The following ADRA1A variants were observed in gnomAD, a reference collection of about 807,000 sequenced individuals.
ADRA1A encodes adrenoceptor alpha 1A.
In ADRA1A, 31 loss-of-function variants were observed where a neutral mutation model predicts 29.6. The ratio of observed to expected loss-of-function variants is 1.05; its 90% CI spans 0.79 to 1.41. ADRA1A has a LOEUF of 1.41. Ranked by LOEUF, ADRA1A falls within the 40% of genes most tolerant of loss-of-function variation. ADRA1A has a pLI of 0.00. For missense variants in ADRA1A, 619 were observed against 601.1 expected (o/e 1.03, Z -0.31); for synonymous variants, 311 against 254.3 (o/e 1.22, Z -2.12).
At chr8:26,838,435 C>T (rs940364395) in intron 2 of ADRA1A, among the ~76,000 whole-genome samples, 1 of 152,182 alleles carries the variant, frequency 6.6e-6, no homozygotes, top group African/African-American at 2.4e-5. Flanking sequence ...AATCTCTATG[C>T]TCTCCAATAA....
chr8:26,845,206 T>C lies in ADRA1A; in HGVS notation c.883+18881A>G, dbSNP rs138567942. ...TCAATTATCTGACCAGGGTCTGGCA[T>C]CCAGAATATATTAATAACCCCTGCA... On this transcript the variant is annotated intron_variant, in intron 2 of 2. Transcript: ENST00000380573. Among the ~76,000 whole-genome samples, 320 of 152,274 alleles carry C rather than the reference T, an allele frequency of 2.1e-3. 3 individuals carry two copies. Among genetic ancestry groups the C allele is most frequent in the African/African-American group, 6.1e-3 (254 of 41,534 alleles).
chr8:26,796,710 G>A lies in ADRA1A; in HGVS notation c.884-26044C>T, dbSNP rs1808214569. ...AGGAGGGTCAGTGTAAAAGTGGATAGAGAGATGATTAATTTCGAAAGGGGG... is the reference window on the plus strand; with the variant it reads ...AGGAGGGTCAGTGTAAAAGTGGATAAAGAGATGATTAATTTCGAAAGGGGG... On this transcript the variant is annotated intron_variant, in intron 2 of 2. Coordinates refer to ENST00000380573, the MANE Select transcript of ADRA1A (RefSeq NM_000680.4). The surrounding 1 kb of genome is among the most constrained non-coding windows in gnomAD (Gnocchi z 5.0). 6.6e-6 allele frequency among the ~76,000 whole-genome samples: 1 copy of A among 152,118 alleles called. No homozygotes were observed. The highest frequency in any genetic ancestry group is 1.5e-5 in the Non-Finnish European group (1 of 68,018).
intron 2 of ADRA1A, among the ~76,000 whole-genome samples, chr8:26,845,742 G>T (rs1410995694): frequency 6.6e-6 from 1 of 152,134 alleles, no homozygotes; most frequent in Non-Finnish European, 1.5e-5. Context: ...CAAATAAATA[G>T]TATTCAGTCA....
exon 3 of ADRA1A, chr8:26,748,306 G>C (rs375528473): frequency 1.2e-5 from 2 of 161,944 alleles, no homozygotes; most frequent in African/African-American, 2.4e-5. Flanking sequence ...GTGTGTGTTG[G>C]GGGGGTGGTT....
Position 26,864,746 on chromosome 8 carries a change from A to T in ADRA1A, c.224T>A (p.Leu75His), listed in dbSNP as rs1245323372. The T allele has an allele frequency of 6.2e-7, 1 of 1,614,024 alleles. No homozygotes were observed. The highest frequency in any genetic ancestry group is 8.5e-7 in the Non-Finnish European group (1 of 1,180,036). Reference protein sequence around the residue: ...IVNLAVADLLLTSTVLPFSAI... With the variant: ...IVNLAVADLLHTSTVLPFSAI... ...GGAGAAGGGCAGCACCGTGGAGGTG[A>T]GCAGGAGGTCGGCCACCGCCAGGTT... The change falls in exon 2 of 3, where the codon CTC becomes CAC. Residue 75 changes from leucine (L) to histidine (H), a missense_variant. Transcript: ENST00000380573. The surrounding 1 kb of genome is among the most constrained non-coding windows in gnomAD (Gnocchi z 8.1).
chr8:26,771,747 C>G (rs1056297979), intron 2 of ADRA1A: 2 of 152,856 alleles, frequency 1.3e-5, no homozygotes, highest in African/African-American at 4.8e-5. Context: ...GCATCCAGCA[C>G]TAGCACTACT....
At chr8:26,854,416 A>AGGGGGGGGGG (rs1200564632) in intron 2 of ADRA1A, 1 of 18,696 alleles carries the variant, frequency 5.3e-5, no homozygotes, top group Non-Finnish European at 1.0e-4. Flanking sequence ...CTGAAGTTAA[A>AGGGGGGGGGG]GCGGGGCGGG....
rs138587648 is a variant in ADRA1A, at chr8:26,804,312, T to C, written c.884-33646A>G. Among the ~76,000 whole-genome samples the C allele has an allele frequency of 7.2e-4, 110 of 152,262 alleles. No individual in the cohort carries two copies. The East Asian group carries it at 0.02, about 28-fold the overall frequency. The stretch of plus-strand genomic sequence containing the variant: ...ACACATCCACATGCAGGCTTGTCTA[T>C]GAGTGTTCAAAGAGGCTTTATTTGG... On this transcript the variant is annotated intron_variant, in intron 2 of 2. Coordinates refer to ENST00000380573, the MANE Select transcript of ADRA1A (RefSeq NM_000680.4).
intron 2 of ADRA1A, among the ~76,000 whole-genome samples, chr8:26,772,319 C>T (rs937341375): frequency 2.6e-5 from 4 of 152,196 alleles, no homozygotes; most frequent in Non-Finnish European, 4.4e-5. Flanking sequence ...GCTAAAGGAG[C>T]TTTATGAATT....
chr8:26,842,336 C>T (rs1382230042), intron 2 of ADRA1A, among the ~76,000 whole-genome samples: 1 of 152,164 alleles, frequency 6.6e-6, no homozygotes, highest in Non-Finnish European at 1.5e-5. Flanking sequence ...CACTTAAACA[C>T]CATCATTTCA....
Position 26,841,856 on chromosome 8 carries a change from C to A in ADRA1A, c.883+22231G>T, listed in dbSNP as rs1260863672. Among the ~76,000 whole-genome samples, 1 of 152,132 alleles carries A rather than the reference C, an allele frequency of 6.6e-6. No homozygotes were observed. The highest frequency in any genetic ancestry group is 1.5e-5 in the Non-Finnish European group (1 of 68,020). ...TCTGCTGCATTTGATATTGGCGCCACTTTCTCTTCACTAAAATTCTCTCTT... is the reference window on the plus strand; with the variant it reads ...TCTGCTGCATTTGATATTGGCGCCAATTTCTCTTCACTAAAATTCTCTCTT... On this transcript the variant is annotated intron_variant, in intron 2 of 2. Coordinates refer to ENST00000380573, the MANE Select transcript of ADRA1A (RefSeq NM_000680.4). This position sits in a 1 kb window ranked among gnomAD's most constrained non-coding sequence, Gnocchi z 4.4.
chr8:26,847,075 G>C (rs916529509), intron 2 of ADRA1A, among the ~76,000 whole-genome samples: 2 of 152,070 alleles, frequency 1.3e-5, no homozygotes, highest in African/African-American at 4.8e-5. Flanking sequence ...GTCGTGGGGT[G>C]GGGGGAACAG....
At position 26,854,524 on chromosome 8, in the gene ADRA1A, T is replaced by C. The variant is rs1321972598; in HGVS notation, c.883+9563A>G. Reference sequence around the variant, plus strand: ...CCATACCTGTTAATGTGGCAGCCAGTGTGGTGGGGTAGAGAGTGTGGTGTG... The same window carrying C: ...CCATACCTGTTAATGTGGCAGCCAGCGTGGTGGGGTAGAGAGTGTGGTGTG... On this transcript the variant is annotated intron_variant, in intron 2 of 2. Coordinates refer to ENST00000380573, the MANE Select transcript of ADRA1A (RefSeq NM_000680.4). 5 of 150,314 alleles carry C rather than the reference T, an allele frequency of 3.3e-5. No individual in the cohort carries two copies. In the Admixed American group the frequency reaches 3.3e-4, roughly 10 times the overall value. 9.3% of individuals were successfully genotyped at this position (150,314 alleles called of 1,614,324 possible). A position where few individuals can be genotyped will look rare whatever the true frequency, so the allele number is the denominator to read the frequency against.
intron 2 of ADRA1A, among the ~76,000 whole-genome samples, chr8:26,837,662 A>C (rs1454652141): frequency 6.6e-6 from 1 of 151,888 alleles, no homozygotes; most frequent in African/African-American, 2.4e-5. Context: ...AAAAAAAAAA[A>C]AAAGTGTACA....
chr8:26,761,019 C>A (rs537493929), downstream of ADRA1A, among the ~76,000 whole-genome samples: 1 of 152,196 alleles, frequency 6.6e-6, no homozygotes, highest in African/African-American at 2.4e-5. Context: ...CTCTCCATGC[C>A]TGCTTAGGGG....
rs895605989 is a variant in ADRA1A, at chr8:26,831,913, C to T, written c.883+32174G>A. On this transcript the variant is annotated intron_variant, in intron 2 of 2. Coordinates refer to ENST00000380573, the MANE Select transcript of ADRA1A (RefSeq NM_000680.4). The surrounding 1 kb of genome is among the most constrained non-coding windows in gnomAD (Gnocchi z 5.2). ...TGCTCCAGGCTGGCTCCCACCTCTC[C>T]CTAAGAGACACCTGGGCCTGGCCGT... 2.0e-5 allele frequency among the ~76,000 whole-genome samples: 3 copies of T among 152,212 alleles called. No homozygotes were observed. The highest frequency in any genetic ancestry group is 7.2e-5 in the African/African-American group (3 of 41,452).
chr8:26,864,457 C>A lies in ADRA1A; in HGVS notation c.513G>T (p.Glu171Asp). The stretch of plus-strand genomic sequence containing the variant: ...CGTTGATCTGGCAGATGGTCTCGTC[C>A]TCGGGGGCCGGCTGCCTCCAGCCGA... ...PLFGWRQPAP[E>D]DETICQINEE... is the part of the protein sequence containing the mutation. The change falls in exon 2 of 3, where the codon GAG becomes GAT. Residue 171 changes from glutamate (E) to aspartate (D), a missense_variant. Transcript: ENST00000380573. The surrounding 1 kb of genome is among the most constrained non-coding windows in gnomAD (Gnocchi z 8.1). 6.2e-7 allele frequency: 1 copy of A among 1,613,564 alleles called. No homozygotes were observed.
chr8:26,838,444 A>G lies in ADRA1A; in HGVS notation c.883+25643T>C, dbSNP rs2130686007. ...AACTGGAATCTCTATGCTCTCCAAT[A>G]ATGCAGGACTTGACTTTGAGTCTCT... On this transcript the variant is annotated intron_variant, in intron 2 of 2. Transcript: ENST00000380573. 1.3e-5 allele frequency among the ~76,000 whole-genome samples: 2 copies of G among 152,258 alleles called. 1 individual carries two copies. The highest frequency in any genetic ancestry group is 3.9e-4 in the East Asian group (2 of 5,172).
intron 2 of ADRA1A, among the ~76,000 whole-genome samples, chr8:26,833,935 A>G (rs1428676960): frequency 6.6e-6 from 1 of 152,252 alleles, no homozygotes; most frequent in Non-Finnish European, 1.5e-5. Flanking sequence ...GGTGAGTTAT[A>G]TGTATTGAGA....
Sources: gnomAD v4.1 joint callset for allele counts (sites outside exome capture counted in the v4.1 genomes callset) on GRCh38, gnomAD v4.1.1 for gene constraint, Gnocchi (gnomAD v3.1) non-coding constraint, MANE v1.5 for transcripts, NCBI Gene and HGNC (gene_info 2026-07-23, HGNC 2026-07-21) for gene names.